SLC38A11: variants seen among roughly 807,000 people sequenced by gnomAD.
SLC38A11 encodes solute carrier family 38 member 11.
In SLC38A11, 51 loss-of-function variants were observed where a neutral mutation model predicts 49.4. That is an observed-to-expected ratio of 1.03 (90% CI 0.83 to 1.30). The LOEUF is 1.30. SLC38A11 is among the 50% of genes most tolerant of loss of function. The pLI is 0.00. For synonymous variants in SLC38A11, 203 were observed against 192.9 expected (o/e 1.05, Z -0.43); for missense variants, 574 against 556.2 (o/e 1.03, Z -0.32).
intron 9 of SLC38A11, among the ~76,000 whole-genome samples, chr2:164,914,219 G>T (rs984790992): frequency 2.6e-5 from 4 of 151,980 alleles, no homozygotes; most frequent in Non-Finnish European, 5.9e-5. Flanking sequence ...TCAAAGGGTT[G>T]TCTGAAGGTC....
At position 164,949,494 on chromosome 2, in the gene SLC38A11, G is replaced by T. The variant is rs370213206; in HGVS notation, c.229+3213C>A. ...GCTGGTCTCGAATTTCTGACCTCAA[G>T]TGATCCACGTGCCTCGGCCTCTCAA... On this transcript the variant is annotated intron_variant, in intron 3 of 11. Coordinates refer to ENST00000685975, the MANE Select transcript of SLC38A11 (RefSeq NM_001351537.2). 2.0e-3 allele frequency among the ~76,000 whole-genome samples: 310 copies of T among 152,318 alleles called. 1 individual carries two copies. The highest frequency in any genetic ancestry group is 3.7e-3 in the South Asian group (18 of 4,822).
intron 9 of SLC38A11, 176 bp from the exon 10 acceptor site, chr2:164,911,924 A>AT (rs1349911119): frequency 7.0e-6 from 3 of 429,492 alleles, no homozygotes; most frequent in Non-Finnish European, 1.2e-5. Flanking sequence ...AATACTTTCC[A>AT]TTCTGCTACA....
In SLC38A11 at chr2:164,908,660, C is replaced by G. The variant is rs374932651; in HGVS notation, c.1075G>C (p.Gly359Arg). The G allele has an allele frequency of 1.2e-6, 2 of 1,601,310 alleles. No individual in the cohort carries two copies. The highest frequency in any genetic ancestry group is 1.7e-6 in the Non-Finnish European group (2 of 1,173,066). ...CTCACATTGAGTTCTAGAACTATCC[C>G]GAGGCAATCAATCAGCAATGACACA... ...TLVSLLIDCL[G>R]IVLELNGVLC... Residue 359 changes from glycine to arginine, a missense_variant, in exon 11 of 12, where the codon GGG becomes CGG. Physicochemically the swap from Gly to Arg is moderately radical, Grantham distance 125. Transcript: ENST00000685975.
At chr2:164,954,866 A>T (rs1430313873) in intron 1 of SLC38A11, 121 bp from the exon 2 acceptor site, 1 of 565,574 alleles carries the variant, frequency 1.8e-6, no homozygotes, top group Non-Finnish European at 3.2e-6. Flanking sequence ...CACTAATGAA[A>T]ATAAAATAAA....
At chr2:164,934,213 C>T (rs956792242) in intron 7 of SLC38A11, among the ~76,000 whole-genome samples, 2 of 152,008 alleles carry the variant, frequency 1.3e-5, no homozygotes, top group Non-Finnish European at 2.9e-5. Flanking sequence ...TTTTATTTCT[C>T]TATGTATTCA....
chr2:164,898,218 G>A lies in SLC38A11; in HGVS notation c.*219C>T. On this transcript the variant is annotated 3_prime_UTR_variant, in exon 12 of 12. Coordinates refer to ENST00000685975, the MANE Select transcript of SLC38A11 (RefSeq NM_001351537.2). ...CCCTTCTTCAATTAGCATTAGTGTA[G>A]TGCAGTCATTAGAACAAAACCCTTA... 4.4e-6 allele frequency: 2 copies of A among 459,726 alleles called. No homozygotes were observed. The highest frequency in any genetic ancestry group is 7.7e-6 in the Non-Finnish European group (2 of 258,930). 28.5% of individuals were successfully genotyped at this position (459,726 alleles called of 1,614,324 possible). A position where few individuals can be genotyped will look rare whatever the true frequency, so the allele number is the denominator to read the frequency against.
At chr2:164,937,695 T>C in intron 6 of SLC38A11, 1 of 259,268 alleles carries the variant, frequency 3.9e-6, no homozygotes. Flanking sequence ...CTTTAAAAAT[T>C]TTTAGTGGCT....
chr2:164,915,205 A>G lies in SLC38A11; in HGVS notation c.757T>C (p.Ser253Pro). The G allele has an allele frequency of 6.2e-7, 1 of 1,612,568 alleles. No homozygotes were observed. The highest frequency in any genetic ancestry group is 1.3e-5 in the African/African-American group (1 of 74,928). Residue 253 changes from serine (S) to proline (P), a missense_variant, in exon 9 of 12, where the codon TCC becomes CCC. Coordinates refer to ENST00000685975, the MANE Select transcript of SLC38A11 (RefSeq NM_001351537.2). The stretch of plus-strand genomic sequence containing the variant: ...ACGATGGACATATGGATAAGGCGGG[A>G]CCACTTAGCTACTGTGGGTTCTTCT... ...SLEEPTVAKW[S>P]RLIHMSIVIS... is the part of the protein sequence containing the mutation.
Position 164,900,109 on chromosome 2 carries a change from G to T in SLC38A11, c.1096-1379C>A, listed in dbSNP as rs140941869. 1.2e-4 allele frequency among the ~76,000 whole-genome samples: 19 copies of T among 152,110 alleles called. No homozygotes were observed. The East Asian group carries it at 3.7e-3, about 29-fold the overall frequency. ...AACGTTCTTCAGGTCTATCCATGTT[G>T]TGGCTAATGGCAGGATCTCCTTTTT... On this transcript the variant is annotated intron_variant, in intron 11 of 11. Transcript: ENST00000685975.
rs1292435875 is a variant in SLC38A11, at chr2:164,955,387, C to G, written c.-140G>C. ...CTGCAGGGAGCCAGTTCCACGGGCG[C>G]CCCCTGCTCCCTCGGCAGGCCGCGA... On this transcript the variant is annotated 5_prime_UTR_variant, in exon 1 of 12. Transcript: ENST00000685975. The G allele has an allele frequency of 1.1e-5, 8 of 755,548 alleles. No homozygotes were observed. Among genetic ancestry groups the G allele is most frequent in the Admixed American group, 5.0e-5 (2 of 40,324 alleles). The allele number at this position is 755,548 out of a possible 1,614,324, so 46.8% of individuals were successfully genotyped here.
At chr2:164,939,156 G>C (rs1687572781) in intron 6 of SLC38A11, among the ~76,000 whole-genome samples, 1 of 151,984 alleles carries the variant, frequency 6.6e-6, no homozygotes, top group Non-Finnish European at 1.5e-5. Context: ...CAATAAATTA[G>C]ATTTGCTTTA....
At chr2:164,908,519 T>A in intron 11 of SLC38A11, 121 bp downstream of exon 11, 2 of 867,024 alleles carry the variant, frequency 2.3e-6, no homozygotes, top group Non-Finnish European at 3.3e-6. Context: ...ATTACAAACA[T>A]ATTTTGATTC....
chr2:164,943,928 C>A (rs570627344), intron 5 of SLC38A11, among the ~76,000 whole-genome samples: 62 of 152,306 alleles, frequency 4.1e-4, no homozygotes, highest in Admixed American at 7.2e-4. Flanking sequence ...ACGATCACAG[C>A]TCACTGCAGC....
chr2:164,912,677 A>G (rs1307467081), intron 9 of SLC38A11, among the ~76,000 whole-genome samples: 1 of 152,020 alleles, frequency 6.6e-6, no homozygotes, highest in Non-Finnish European at 1.5e-5. Flanking sequence ...AAATGCACTG[A>G]TTCAAAACTG....
At chr2:164,928,495 A>G (rs1686750388) in intron 7 of SLC38A11, among the ~76,000 whole-genome samples, 1 of 152,188 alleles carries the variant, frequency 6.6e-6, no homozygotes, top group Non-Finnish European at 1.5e-5. Context: ...TTTGTTAGAC[A>G]CTTTGCTGAG....
At chr2:164,902,054 G>A (rs1372753874) in intron 11 of SLC38A11, among the ~76,000 whole-genome samples, 1 of 135,650 alleles carries the variant, frequency 7.4e-6, no homozygotes, top group Non-Finnish European at 1.6e-5. Flanking sequence ...TTTTTTTGGA[G>A]ACAGGGTCTC....
chr2:164,917,710 T>C, intron 7 of SLC38A11, among the ~76,000 whole-genome samples: 1 of 152,140 alleles, frequency 6.6e-6, no homozygotes, highest in East Asian at 1.9e-4. Context: ...ACTTGGAAAA[T>C]ATTCACCCTT....
intron 7 of SLC38A11, among the ~76,000 whole-genome samples, chr2:164,916,646 C>T (rs934589716): frequency 6.6e-6 from 1 of 152,008 alleles, no homozygotes; most frequent in Non-Finnish European, 1.5e-5. Context: ...ATGTTTTTTC[C>T]AGGCAGAACC....
chr2:164,936,962 G>A (rs1415801898), intron 7 of SLC38A11, among the ~76,000 whole-genome samples: 7 of 152,122 alleles, frequency 4.6e-5, no homozygotes, highest in Admixed American at 3.9e-4. Flanking sequence ...ATAAAGGATG[G>A]TTTTCAAAGT....
Sources: allele counts gnomAD v4.1 joint callset (sites outside exome capture counted in the v4.1 genomes callset), GRCh38; gene constraint gnomAD v4.1.1; transcripts MANE v1.5; gene names NCBI Gene and HGNC (gene_info 2026-07-23, HGNC 2026-07-21).